LAMA4: variants seen among roughly 807,000 people sequenced by gnomAD.
LAMA4 encodes laminin subunit alpha 4.
Under a neutral mutation model 207.1 loss-of-function variants are expected in LAMA4, and 127 were observed. That is an observed-to-expected ratio of 0.61 (90% CI 0.53 to 0.71). LAMA4 has a LOEUF of 0.71. Ranked by LOEUF, LAMA4 falls within the 30% of genes least tolerant of loss-of-function variation. The probability of loss-of-function intolerance (pLI) is 0.00; values close to 1 mark genes in which losing one functional copy is unlikely to be tolerated. For missense variants in LAMA4, 2,093 were observed against 2,246.5 expected (o/e 0.93, Z 1.38); for synonymous variants, 761 against 816.0 (o/e 0.93, Z 1.15).
rs147253624 is a variant in LAMA4 at position 112,156,992 on chromosome 6, T to C, written c.1818-1286A>G. On this transcript the variant is annotated intron_variant, in intron 14 of 38. Coordinates refer to ENST00000230538, the MANE Select transcript of LAMA4 (RefSeq NM_001105206.3). ...ATAATGGTATTAATCTTTATACCAA[T>C]GCAGACATGAAATAAAGGTTTTACT... is the stretch of plus-strand genomic sequence containing the variant. 3.6e-3 allele frequency among the ~76,000 whole-genome samples: 553 copies of C among 152,220 alleles called. 4 individuals are homozygous for C. The highest frequency in any genetic ancestry group is 1.0e-2 in the African/African-American group (414 of 41,528).
intron 31 of LAMA4, among the ~76,000 whole-genome samples, chr6:112,122,403 CAT>C (rs1243512123): frequency 1.3e-5 from 2 of 152,188 alleles, no homozygotes; most frequent in Non-Finnish European, 2.9e-5. Flanking sequence ...ACATCAACAA[CAT>C]AGCATGTTAA....
chr6:112,212,889 TGC>T (rs1784429544), intron 3 of LAMA4, among the ~76,000 whole-genome samples: 1 of 152,228 alleles, frequency 6.6e-6, no homozygotes, highest in Non-Finnish European at 1.5e-5. Flanking sequence ...GGTTGATTTC[TGC>T]CTTACACAGT....
At chr6:112,240,463 C>T (rs1786329211) in intron 2 of LAMA4, among the ~76,000 whole-genome samples, 1 of 152,062 alleles carries the variant, frequency 6.6e-6, no homozygotes, top group South Asian at 2.1e-4. Context: ...TATAGTCATC[C>T]CATTGTGCTA....
chr6:112,185,128 A>AT (rs1268211611), intron 9 of LAMA4, 109 bp downstream of exon 9: 4 of 795,278 alleles, frequency 5.0e-6, no homozygotes, highest in African/African-American at 3.4e-5. Flanking sequence ...GGGTCACTGC[A>AT]TTTTTTCTGG....
Position 112,120,377 on chromosome 6 carries a change from A to T in LAMA4, c.4571T>A (p.Leu1524Ter), listed in dbSNP as rs782472566. 6.2e-7 allele frequency: 1 copy of T among 1,613,858 alleles called. No individual in the cohort carries two copies. The highest frequency in any genetic ancestry group is 1.1e-5 in the South Asian group (1 of 91,082). Reference sequence around the variant, plus strand: ...CATGTAAACCAAGCGGCCATGGGCCAAAAATAGAGTCATGAAGTCATTCTC... The same window carrying T: ...CATGTAAACCAAGCGGCCATGGGCCTAAAATAGAGTCATGAAGTCATTCTC... ...QEENDFMTLF[L>*]AHGRLVYMFN... Residue 1524 changes from leucine (L) to a stop codon, truncating the protein, a stop_gained, in exon 33 of 39, where the codon TTG (leucine) becomes TAG (stop). Transcript: ENST00000230538. LOFTEE classifies it high-confidence loss of function.
At chr6:112,124,973 T>G (rs148063349) in intron 31 of LAMA4, among the ~76,000 whole-genome samples, 1,945 of 152,268 alleles carry the variant, frequency 0.013, 18 homozygotes, top group Non-Finnish European at 0.022. Flanking sequence ...GCCAGGCTGG[T>G]CTCGATCTCC....
intron 13 of LAMA4, among the ~76,000 whole-genome samples, chr6:112,162,420 C>T (rs1188666666): frequency 4.0e-5 from 6 of 151,668 alleles, no homozygotes; most frequent in South Asian, 2.1e-4. Context: ...TGCAGTGAGC[C>T]GAGATCACTC....
rs1279556800 is a variant in LAMA4 at position 112,172,757 on chromosome 6, T to G, written c.1405A>C (p.Thr469Pro). 1.2e-6 allele frequency: 2 copies of G among 1,613,932 alleles called. No individual in the cohort carries two copies. Among genetic ancestry groups the G allele is most frequent in the Non-Finnish European group, 1.7e-6 (2 of 1,179,990 alleles). Reference protein sequence around the residue: ...SWQRLHNETRTLFPVVLEQLD... With the variant: ...SWQRLHNETRPLFPVVLEQLD... ...TGCTCCAGGACGACAGGAAACAGAG[T>G]GCGGGTCTCATTGTGCAGCCGCTGC... Residue 469 changes from threonine (T) to proline (P), a missense_variant, in exon 12 of 39, where the codon ACT (threonine) becomes CCT (proline). By Grantham distance (38) the Thr-to-Pro change is conservative. Around this residue, in one of 3 missense-constraint regions of LAMA4, gnomAD observed 1,704 missense variants for 1,788.4 expected, o/e 0.95. Transcript: ENST00000230538.
intron 3 of LAMA4, among the ~76,000 whole-genome samples, chr6:112,214,677 G>A (rs1007205843): frequency 3.3e-5 from 5 of 152,184 alleles, no homozygotes; most frequent in Admixed American, 6.5e-5. Context: ...CATTTTCTGC[G>A]TTGGAACAAA....
intron 5 of LAMA4, among the ~76,000 whole-genome samples, chr6:112,199,942 C>T (rs1344752778): frequency 6.6e-6 from 1 of 152,178 alleles, no homozygotes; most frequent in Non-Finnish European, 1.5e-5. Flanking sequence ...ACTATTTCCG[C>T]TTGGCTCTTC....
intron 36 of LAMA4, among the ~76,000 whole-genome samples, chr6:112,115,220 A>T (rs1163915165): frequency 2.0e-5 from 3 of 152,192 alleles, no homozygotes; most frequent in Non-Finnish European, 2.9e-5. Context: ...TTAGAATAGT[A>T]CCCAACAAAT....
chr6:112,254,861 T>G (rs1317281405), upstream of LAMA4: 4 of 152,402 alleles, frequency 2.6e-5, no homozygotes, highest in Non-Finnish European at 4.4e-5. Context: ...GAACCAAAGG[T>G]AGATGATCTC....
chr6:112,140,782 C>T lies in LAMA4; in HGVS notation c.2954G>A (p.Gly985Asp). The T allele has an allele frequency of 6.2e-7, 1 of 1,614,002 alleles. No homozygotes were observed. The highest frequency in any genetic ancestry group is 8.5e-7 in the Non-Finnish European group (1 of 1,179,970). Residue 985 changes from glycine (G) to aspartate (D), a missense_variant, in exon 22 of 39, where the codon GGT becomes GAT. Transcript: ENST00000230538. ...GACCTTGAAGTTGGAAGGCACTCCA[C>T]CAACATAAAACACTGTGTCCTCAGG... is the stretch of plus-strand genomic sequence containing the variant. The part of the protein sequence containing the change: ...LDPEDTVFYV[G>D]GVPSNFKLPT...
chr6:112,161,049 C>T (rs1192611949), intron 13 of LAMA4, among the ~76,000 whole-genome samples: 1 of 152,168 alleles, frequency 6.6e-6, no homozygotes, highest in Non-Finnish European at 1.5e-5. Flanking sequence ...TGTTTTAATG[C>T]TCCACAATTT....
At chr6:112,239,506 T>C (rs1554367351) in intron 2 of LAMA4, among the ~76,000 whole-genome samples, 1 of 152,084 alleles carries the variant, frequency 6.6e-6, no homozygotes, top group Non-Finnish European at 1.5e-5. Flanking sequence ...GCCTGCACAT[T>C]AAAAGTTGGG....
At chr6:112,171,335 T>C (rs568547791) in intron 12 of LAMA4, among the ~76,000 whole-genome samples, 3 of 152,064 alleles carry the variant, frequency 2.0e-5, no homozygotes, top group South Asian at 4.2e-4. Context: ...AATGAGAGGA[T>C]TGATAAGCAC....
At position 112,243,135 on chromosome 6, in the gene LAMA4, T is replaced by C. The variant is rs140875059; in HGVS notation, c.195+10821A>G. On this transcript the variant is annotated intron_variant, in intron 2 of 38. Transcript: ENST00000230538. The stretch of plus-strand genomic sequence containing the variant: ...GGCATGGGAGACCCATGAACATTCA[T>C]TGACCACATGGAGACACACTTAGGC... Among the ~76,000 whole-genome samples, 328 of 152,278 alleles carry C rather than the reference T, an allele frequency of 2.2e-3. 2 individuals are homozygous for C. The highest frequency in any genetic ancestry group is 6.7e-3 in the African/African-American group (279 of 41,558).
chr6:112,125,224 T>C (rs1162830571), intron 31 of LAMA4, among the ~76,000 whole-genome samples: 1 of 151,158 alleles, frequency 6.6e-6, no homozygotes, highest in Non-Finnish European at 1.5e-5. Flanking sequence ...TTTCACTCTA[T>C]GAAGGAGCTT....
intron 17 of LAMA4, among the ~76,000 whole-genome samples, chr6:112,150,185 G>T (rs1780296762): frequency 6.8e-6 from 1 of 147,136 alleles, no homozygotes; most frequent in Non-Finnish European, 1.5e-5. Flanking sequence ...ACTATAAACA[G>T]CATGATCCCA....
Sources: gnomAD v4.1 joint callset for allele counts (sites outside exome capture counted in the v4.1 genomes callset) on GRCh38, gnomAD v4.1.1 for gene constraint, gnomAD v4.1.1 regional missense constraint, MANE v1.5 for transcripts, NCBI Gene and HGNC (gene_info 2026-07-23, HGNC 2026-07-21) for gene names.